The following TMEM163 variants were observed in gnomAD, a reference collection of about 807,000 sequenced individuals.
The protein encoded by TMEM163 is transmembrane protein 163.
Under a neutral mutation model 29.3 loss-of-function variants are expected in TMEM163, and 17 were observed. That is an observed-to-expected ratio of 0.58 (90% CI 0.40 to 0.87). TMEM163 has a LOEUF of 0.87. Among genes scored for constraint, TMEM163 ranks in the 40% least tolerant of loss-of-function variants. The pLI is 0.00. For synonymous variants in TMEM163, 157 were observed against 160.6 expected (o/e 0.98, Z 0.17); for missense variants, 303 against 381.5 (o/e 0.79, Z 1.71).
intron 2 of TMEM163, among the ~76,000 whole-genome samples, chr2:134,683,840 G>A (rs77791719): frequency 0.011 from 1,657 of 149,534 alleles, 39 homozygotes; most frequent in African/African-American, 0.041. Flanking sequence ...AACTTGACAC[G>A]TCAACACCAA....
intron 5 of TMEM163, among the ~76,000 whole-genome samples, chr2:134,477,617 A>G (rs1410914383): frequency 6.6e-6 from 1 of 152,262 alleles, no homozygotes; most frequent in African/African-American, 2.4e-5. Context: ...AAGAGTAAGC[A>G]TAGCTTTTGC....
intron 4 of TMEM163, among the ~76,000 whole-genome samples, chr2:134,505,239 CT>C (rs78772358): frequency 0.093 from 12,025 of 129,910 alleles, 1,114 homozygotes; most frequent in African/African-American, 0.25. Flanking sequence ...TGGGGAATTC[CT>C]TTTTTTTTTT....
intron 2 of TMEM163, among the ~76,000 whole-genome samples, chr2:134,598,893 C>CCTGGGTG (rs1477883905): frequency 1.3e-5 from 2 of 149,298 alleles, no homozygotes; most frequent in African/African-American, 5.0e-5. Context: ...TACACTCCAG[C>CCTGGGTG]CTGGGTGACA....
At chr2:134,546,225 G>A (rs766962865) in intron 4 of TMEM163, among the ~76,000 whole-genome samples, 23 of 152,336 alleles carry the variant, frequency 1.5e-4, no homozygotes, top group Non-Finnish European at 2.5e-4. Flanking sequence ...TAAAGAATTG[G>A]AAGCAGGGTC....
rs78074450 is a variant in TMEM163 at position 134,478,155 on chromosome 2, A to G, written c.556-11930T>C. Among the ~76,000 whole-genome samples, 50 of 152,292 alleles carry G rather than the reference A, an allele frequency of 3.3e-4. No homozygotes were observed. In the East Asian group the frequency reaches 8.5e-3, roughly 26 times the overall value. ...TGATTGTAAGCATCCTCAGGCCCTC[A>G]CTAGAAGTCCAGCAGATGTTGGTGC... is the stretch of plus-strand genomic sequence containing the variant. On this transcript the variant is annotated intron_variant, in intron 5 of 7. Transcript: ENST00000281924.
chr2:134,588,969 A>G (rs6728585), intron 2 of TMEM163, among the ~76,000 whole-genome samples: 5,750 of 152,244 alleles, frequency 0.038, 164 homozygotes, highest in Admixed American at 0.085. Context: ...GACATTTCAC[A>G]TTAGAGGGAA....
At chr2:134,577,558 A>G (rs879330020) in intron 2 of TMEM163, among the ~76,000 whole-genome samples, 2 of 152,184 alleles carry the variant, frequency 1.3e-5, no homozygotes, top group African/African-American at 2.4e-5. Flanking sequence ...AAGCTAGTCC[A>G]GAGGGGCTAC....
intron 4 of TMEM163, among the ~76,000 whole-genome samples, chr2:134,549,917 T>C (rs60047000): frequency 0.034 from 5,244 of 152,280 alleles, 320 homozygotes; most frequent in African/African-American, 0.12. Flanking sequence ...GAATTGTCTT[T>C]TTCTTGCTTT....
At chr2:134,649,618 A>G (rs185650878) in intron 2 of TMEM163, among the ~76,000 whole-genome samples, 1 of 152,226 alleles carries the variant, frequency 6.6e-6, no homozygotes, top group African/African-American at 2.4e-5. Flanking sequence ...AATTACATTA[A>G]AATATGGATG....
At chr2:134,504,635 G>A (rs1679780593) in intron 4 of TMEM163, among the ~76,000 whole-genome samples, 1 of 152,188 alleles carries the variant, frequency 6.6e-6, no homozygotes, top group Non-Finnish European at 1.5e-5. Flanking sequence ...ATACAGTTCA[G>A]GGTTTGATCA....
rs56355824 is a variant in TMEM163 at position 134,546,370 on chromosome 2, T to G, written c.458+4200A>C. On this transcript the variant is annotated intron_variant, in intron 4 of 7. Transcript: ENST00000281924. ...TATTATTCAGCCTTTAGGCAGGGCA[T>G]GGTGCCTCACACCTGTAATACCAGC... Among the ~76,000 whole-genome samples the G allele has an allele frequency of 5.3e-5, 8 of 152,218 alleles. No homozygotes were observed. The South Asian group carries it at 1.7e-3, about 32-fold the overall frequency.
intron 6 of TMEM163, among the ~76,000 whole-genome samples, chr2:134,465,305 C>T (rs1181497288): frequency 2.0e-5 from 3 of 151,636 alleles, no homozygotes; most frequent in African/African-American, 4.9e-5. Context: ...TATACAGACA[C>T]ATATATATAA....
chr2:134,463,005 G>T (rs1333030619), intron 6 of TMEM163, among the ~76,000 whole-genome samples: 2 of 152,242 alleles, frequency 1.3e-5, no homozygotes, highest in Non-Finnish European at 2.9e-5. Flanking sequence ...GCCTGCCTGG[G>T]AACCAGCCGA....
intron 2 of TMEM163, among the ~76,000 whole-genome samples, chr2:134,645,170 CAAAATGG>C (rs1271683577): frequency 6.6e-6 from 1 of 152,194 alleles, no homozygotes; most frequent in Non-Finnish European, 1.5e-5. Flanking sequence ...GGTAGGAATA[CAAAATGG>C]TATAACCAGT....
In TMEM163 at chr2:134,495,799, T is replaced by G. The variant is rs1445505996; in HGVS notation, c.555+7102A>C. ...TGAAAACAGAAGATTCCAGTCTACCTAAGTTAGTGTCACAAGAAAGTCCCC... is the reference window on the plus strand; with the variant it reads ...TGAAAACAGAAGATTCCAGTCTACCGAAGTTAGTGTCACAAGAAAGTCCCC... On this transcript the variant is annotated intron_variant, in intron 5 of 7. Coordinates refer to ENST00000281924, the MANE Select transcript of TMEM163 (RefSeq NM_030923.5). 2.6e-5 allele frequency among the ~76,000 whole-genome samples: 4 copies of G among 152,202 alleles called. No individual in the cohort carries two copies. The East Asian group carries it at 7.7e-4, about 29-fold the overall frequency.
intron 2 of TMEM163, among the ~76,000 whole-genome samples, chr2:134,587,398 G>A (rs568636730): frequency 2.4e-4 from 36 of 152,212 alleles, no homozygotes; most frequent in African/African-American, 3.9e-4. Context: ...GTGACAGAGC[G>A]GGACTCTGTC....
intron 2 of TMEM163, among the ~76,000 whole-genome samples, chr2:134,674,486 G>GGC (rs752979552): frequency 0.011 from 973 of 91,544 alleles, 10 homozygotes; most frequent in Middle Eastern, 0.019. Flanking sequence ...TGGGACTACA[G>GGC]GCGCGCGCGC....
chr2:134,481,726 T>A (rs574935), intron 5 of TMEM163, among the ~76,000 whole-genome samples: 1 of 152,086 alleles, frequency 6.6e-6, no homozygotes, highest in Non-Finnish European at 1.5e-5. Context: ...TGGGGTCTAA[T>A]GCTCCCTCAT....
chr2:134,458,462 G>T lies in TMEM163; in HGVS notation c.668-289C>A, dbSNP rs12105884. 41 of 381,908 alleles carry T rather than the reference G, an allele frequency of 1.1e-4. 1 individual carries two copies. The highest frequency in any genetic ancestry group is 9.9e-4 in the South Asian group (32 of 32,344). The allele number at this position is 381,908 out of a possible 1,614,324, so 23.7% of individuals were successfully genotyped here. On this transcript the variant is annotated intron_variant, in intron 6 of 7. Transcript: ENST00000281924. ...TAGCTGGTCTCGCCCGTGCCCGCTA[G>T]AACGCAAACCTCCTAGAGGCAGGGG...
Sources: allele counts gnomAD v4.1 joint callset (sites outside exome capture counted in the v4.1 genomes callset), GRCh38; gene constraint gnomAD v4.1.1; transcripts MANE v1.5; gene names NCBI Gene and HGNC (gene_info 2026-07-23, HGNC 2026-07-21).